The following CTNNA2 variants were observed in gnomAD, a reference collection of about 807,000 sequenced individuals.
CTNNA2 encodes the protein catenin alpha-2.
CTNNA2 carries 42 observed loss-of-function variants against 101.0 expected under a neutral mutation model. The observed-to-expected ratio is 0.42, with a 90% confidence interval of 0.32 to 0.54. The LOEUF is 0.54. Ranked by LOEUF, CTNNA2 falls within the 20% of genes least tolerant of loss-of-function variation. The pLI, the probability that CTNNA2 is intolerant of heterozygous loss-of-function variation, is 0.14. For missense variants in CTNNA2, 871 were observed against 1,223.1 expected, an observed-to-expected ratio of 0.71 and a Z score of 4.29; for synonymous variants, 450 against 456.4, an observed-to-expected ratio of 0.99 and a Z score of 0.18.
intron 2 of CTNNA2, among the ~76,000 whole-genome samples, chr2:79,743,772 G>A (rs1028667592): frequency 1.3e-5 from 2 of 152,124 alleles, no homozygotes; most frequent in Non-Finnish European, 1.5e-5. Context: ...GACCTCAGGC[G>A]ATCTGCCTGC....
At chr2:79,868,933 T>C (rs940382531) in intron 4 of CTNNA2, among the ~76,000 whole-genome samples, 3 of 152,222 alleles carry the variant, frequency 2.0e-5, no homozygotes, top group Non-Finnish European at 4.4e-5. Context: ...CTGAGCGGAC[T>C]CCTTCACCAC....
At chr2:79,764,581 A>G (rs1673011838) in intron 3 of CTNNA2, among the ~76,000 whole-genome samples, 1 of 152,200 alleles carries the variant, frequency 6.6e-6, no homozygotes, top group African/African-American at 2.4e-5. Context: ...CATCTGTAAG[A>G]AACAAAGACA....
At chr2:79,314,288 A>G (rs750006428) in intron 3 of CTNNA2, among the ~76,000 whole-genome samples, 1 of 152,206 alleles carries the variant, frequency 6.6e-6, no homozygotes, top group Non-Finnish European at 1.5e-5. Context: ...CAGAAGTAGA[A>G]GGTATCTCAT....
chr2:79,664,153 A>G (rs893807658), intron 2 of CTNNA2, among the ~76,000 whole-genome samples: 1 of 152,234 alleles, frequency 6.6e-6, no homozygotes, highest in Non-Finnish European at 1.5e-5. Flanking sequence ...TTCATAATAA[A>G]AGGCATAGTA....
At chr2:80,393,043 G>A (rs192511019) in intron 7 of CTNNA2, among the ~76,000 whole-genome samples, 168 bp from the exon 8 acceptor site, 17 of 152,034 alleles carry the variant, frequency 1.1e-4, no homozygotes, top group Admixed American at 4.6e-4. Flanking sequence ...TATTATTTCA[G>A]GAAAAACCAA....
chr2:80,560,601 C>T (rs1458011103), intron 12 of CTNNA2, among the ~76,000 whole-genome samples: 2 of 152,102 alleles, frequency 1.3e-5, no homozygotes, highest in South Asian at 2.1e-4. Flanking sequence ...ACCATCTGGA[C>T]GAGGGCCTTC....
chr2:79,540,499 C>A (rs1316455386), intron 1 of CTNNA2, among the ~76,000 whole-genome samples: 3 of 152,144 alleles, frequency 2.0e-5, no homozygotes, highest in Admixed American at 6.5e-5. Context: ...GACTATCCTT[C>A]CTTTAAATCT....
chr2:79,544,637 T>C (rs1381149202), intron 1 of CTNNA2, among the ~76,000 whole-genome samples: 1 of 152,194 alleles, frequency 6.6e-6, no homozygotes, highest in African/African-American at 2.4e-5. Flanking sequence ...GGTGAGAATA[T>C]GTCTAGCTTC....
chr2:79,404,601 G>T (rs925238142), intron 4 of CTNNA2, among the ~76,000 whole-genome samples: 2 of 152,130 alleles, frequency 1.3e-5, no homozygotes, highest in Admixed American at 6.5e-5. Context: ...AACTCGGTTT[G>T]ACTTAAAAGC....
chr2:79,544,356 T>G (rs1160309294), intron 1 of CTNNA2, among the ~76,000 whole-genome samples: 1 of 152,226 alleles, frequency 6.6e-6, no homozygotes, highest in African/African-American at 2.4e-5. Flanking sequence ...ACAAAATGAC[T>G]ATTTTGGCTT....
chr2:79,650,234 C>T (rs1370548510), intron 1 of CTNNA2, among the ~76,000 whole-genome samples: 2 of 150,384 alleles, frequency 1.3e-5, no homozygotes, highest in East Asian at 3.9e-4. Context: ...AGACTGCTAC[C>T]TGCATGTCAG....
At chr2:79,378,968 T>C (rs1678009646) in intron 4 of CTNNA2, among the ~76,000 whole-genome samples, 1 of 152,160 alleles carries the variant, frequency 6.6e-6, no homozygotes, top group Non-Finnish European at 1.5e-5. Context: ...GTGGACTAGA[T>C]AGCACATCTC....
intron 7 of CTNNA2, among the ~76,000 whole-genome samples, chr2:80,238,916 C>A (rs1008241929): frequency 1.3e-5 from 2 of 152,076 alleles, no homozygotes; most frequent in African/African-American, 2.4e-5. Flanking sequence ...GCTGATCTGT[C>A]GGCTGGGAGG....
chr2:80,127,371 GA>G (rs1169162435), intron 7 of CTNNA2, among the ~76,000 whole-genome samples: 2 of 152,132 alleles, frequency 1.3e-5, no homozygotes, highest in Non-Finnish European at 2.9e-5. Context: ...TGGGGCAGAA[GA>G]ATATGCTATG....
intron 9 of CTNNA2, among the ~76,000 whole-genome samples, chr2:80,527,327 G>A (rs1033332263): frequency 6.6e-6 from 1 of 152,196 alleles, no homozygotes; most frequent in Non-Finnish European, 1.5e-5. Context: ...GTTTGTGGTA[G>A]GCCTGTGAGT....
At chr2:79,877,477 T>G (rs1193815781) in intron 6 of CTNNA2, among the ~76,000 whole-genome samples, 1 of 152,202 alleles carries the variant, frequency 6.6e-6, no homozygotes, top group Admixed American at 6.5e-5. Flanking sequence ...ATATACCGTT[T>G]CTCTTTATTT....
intron 3 of CTNNA2, among the ~76,000 whole-genome samples, chr2:79,777,379 G>C (rs575835392): frequency 2.1e-5 from 3 of 144,462 alleles, no homozygotes; most frequent in Admixed American, 7.1e-5. Flanking sequence ...GTGTGTGTCT[G>C]TACTGTGTAT....
intron 7 of CTNNA2, among the ~76,000 whole-genome samples, chr2:80,258,807 A>AG (rs1423971912): frequency 3.9e-5 from 6 of 152,200 alleles, no homozygotes; most frequent in Admixed American, 1.3e-4. Flanking sequence ...TACTGGACAA[A>AG]GGGACACATA....
At chr2:80,231,708 T>C (rs1311359456) in intron 7 of CTNNA2, among the ~76,000 whole-genome samples, 1 of 152,182 alleles carries the variant, frequency 6.6e-6, no homozygotes, top group Non-Finnish European at 1.5e-5. Flanking sequence ...AACCTGACAC[T>C]GGTATAGCAT....
Sources: allele counts gnomAD v4.1 joint callset (sites outside exome capture counted in the v4.1 genomes callset), GRCh38; gene constraint gnomAD v4.1.1; transcripts MANE v1.5; gene names NCBI Gene and HGNC (gene_info 2026-07-23, HGNC 2026-07-21).